The following SEC14L1 variants were observed in gnomAD, a reference collection of about 807,000 sequenced individuals.
SEC14L1 encodes the protein SEC14 like lipid binding 1.
Under a neutral mutation model 85.3 loss-of-function variants are expected in SEC14L1, and 48 were observed. The observed-to-expected ratio is 0.56, with a 90% CI of 0.45 to 0.72. The LOEUF (loss-of-function observed/expected upper bound fraction) is 0.72, where lower values mean the gene tolerates loss of function less well. Among genes scored for constraint, SEC14L1 ranks in the 30% least tolerant of loss-of-function variants. The pLI, the probability that SEC14L1 is intolerant of heterozygous loss-of-function variation, is 0.00. For missense variants in SEC14L1, 682 were observed against 921.4 expected (o/e 0.74, Z 3.36); for synonymous variants, 391 against 355.5 (o/e 1.10, Z -1.12).
chr17:77,200,778 G>T, intron 9 of SEC14L1, 105 bp downstream of exon 9: 1 of 1,054,848 alleles, frequency 9.5e-7, no homozygotes, highest in Non-Finnish European at 1.4e-6. Context: ...CCCCTTGAGT[G>T]CATCGTTTCT....
chr17:77,131,127 G>GCCGATGGAATTGTGAAGTGCATGGT (rs1223791806), intron 3 of SEC14L1, among the ~76,000 whole-genome samples: 1 of 152,188 alleles, frequency 6.6e-6, no homozygotes, highest in Non-Finnish European at 1.5e-5. Flanking sequence ...AAGTGCATGG[G>GCCGATGGAATTGTGAAGTGCATGGT]CCAATGGAAA....
At chr17:77,175,449 C>T (rs997956465) in intron 3 of SEC14L1, among the ~76,000 whole-genome samples, 191 of 152,342 alleles carry the variant, frequency 1.3e-3, no homozygotes, top group African/African-American at 4.2e-3. Context: ...TAAATCGTTA[C>T]AGGTTCATAA....
chr17:77,177,080 T>C (rs1397635484), intron 3 of SEC14L1, among the ~76,000 whole-genome samples: 5 of 152,156 alleles, frequency 3.3e-5, no homozygotes, highest in Non-Finnish European at 5.9e-5. Flanking sequence ...TAAATGCTTT[T>C]TAAATTGTTT....
chr17:77,165,798 A>T (rs1472696891), intron 3 of SEC14L1, among the ~76,000 whole-genome samples: 1 of 152,152 alleles, frequency 6.6e-6, no homozygotes, highest in Non-Finnish European at 1.5e-5. Context: ...ACTGGTTCCT[A>T]GCAAAGTCTC....
chr17:77,199,837 T>G (rs1976034542), intron 8 of SEC14L1, among the ~76,000 whole-genome samples: 1 of 152,214 alleles, frequency 6.6e-6, no homozygotes, highest in African/African-American at 2.4e-5. Context: ...CCACCTCATT[T>G]TTAATAGTAT....
At chr17:77,103,585 G>T (rs1971830962) in intron 3 of SEC14L1, among the ~76,000 whole-genome samples, 1 of 142,782 alleles carries the variant, frequency 7.0e-6, no homozygotes, top group African/African-American at 2.6e-5. Context: ...GGGATTACAG[G>T]CATGCGCCCC....
intron 3 of SEC14L1, among the ~76,000 whole-genome samples, chr17:77,153,004 A>G (rs2143580319): frequency 6.6e-6 from 1 of 152,326 alleles, no homozygotes; most frequent in Middle Eastern, 3.4e-3. Flanking sequence ...AATAGGCTGT[A>G]AGGAGAAGGT....
intron 3 of SEC14L1, among the ~76,000 whole-genome samples, chr17:77,109,888 T>C (rs1972010023): frequency 6.6e-6 from 1 of 152,210 alleles, no homozygotes; most frequent in South Asian, 2.1e-4. Context: ...AAAATGCTGA[T>C]ATCCTAATAT....
At chr17:77,179,868 G>A (rs1005652190) in intron 3 of SEC14L1, among the ~76,000 whole-genome samples, 1 of 151,726 alleles carries the variant, frequency 6.6e-6, no homozygotes, top group African/African-American at 2.4e-5. Context: ...TAGTAGAGAC[G>A]GGGTTTCACT....
At chr17:77,093,331 G>C (rs1461851937) in exon 3 of SEC14L1, 1 of 152,198 alleles carries the variant, frequency 6.6e-6, no homozygotes, top group Non-Finnish European at 1.5e-5. Flanking sequence ...GAATTGTTTT[G>C]GCCTAGGATC....
chr17:77,185,839 C>T (rs1188109393), intron 3 of SEC14L1, among the ~76,000 whole-genome samples: 2 of 152,002 alleles, frequency 1.3e-5, no homozygotes, highest in African/African-American at 2.4e-5. Context: ...TTGAATGGGA[C>T]TTATCTGTGG....
intron 3 of SEC14L1, among the ~76,000 whole-genome samples, chr17:77,183,390 G>A (rs952457377): frequency 1.3e-5 from 2 of 152,236 alleles, no homozygotes; most frequent in Non-Finnish European, 2.9e-5. Context: ...ACATTTGAAA[G>A]TAAGTTGCTT....
intron 3 of SEC14L1, among the ~76,000 whole-genome samples, chr17:77,113,559 C>T (rs1016009796): frequency 6.6e-6 from 1 of 152,152 alleles, no homozygotes; most frequent in East Asian, 1.9e-4. Flanking sequence ...GCCTGGCCAA[C>T]ATGGTGAAAC....
At chr17:77,124,276 A>T (rs1024465738) in intron 3 of SEC14L1, among the ~76,000 whole-genome samples, 1 of 152,092 alleles carries the variant, frequency 6.6e-6, no homozygotes, top group African/African-American at 2.4e-5. Flanking sequence ...AGGGGGGAGG[A>T]TCATTTGCGC....
At chr17:77,205,618 T>C (rs1976426289) in intron 11 of SEC14L1, among the ~76,000 whole-genome samples, 2 of 152,236 alleles carry the variant, frequency 1.3e-5, no homozygotes, top group East Asian at 3.9e-4. Flanking sequence ...TTTGCTTGTT[T>C]TTGCCTCCCC....
chr17:77,200,440 C>A, intron 8 of SEC14L1, 44 bp from the exon 9 acceptor site: 6 of 1,552,680 alleles, frequency 3.9e-6, no homozygotes, highest in Non-Finnish European at 5.3e-6. Context: ...AAGTTCCCTT[C>A]ACAACTTTTA....
Position 77,131,872 on chromosome 17 carries a change from G to C in SEC14L1, c.-135-10774G>C, listed in dbSNP as rs550261944. Reference sequence around the variant, plus strand: ...TGTCCTGAAGGAAGGAAGACTCTTAGGTAGATAAACCAACTAGTCATAGGG... The same window carrying C: ...TGTCCTGAAGGAAGGAAGACTCTTACGTAGATAAACCAACTAGTCATAGGG... On this transcript the variant is annotated intron_variant, in intron 3 of 19. Transcript: ENST00000392476. 1.2e-4 allele frequency among the ~76,000 whole-genome samples: 18 copies of C among 152,322 alleles called. 1 individual carries two copies. In the South Asian group the frequency reaches 3.7e-3, roughly 32 times the overall value.
At position 77,191,330 on chromosome 17, in the gene SEC14L1, C is replaced by A; in HGVS notation, c.345+18C>A. 6.2e-7 allele frequency: 1 copy of A among 1,613,564 alleles called. No homozygotes were observed. The highest frequency in any genetic ancestry group is 1.1e-5 in the South Asian group (1 of 90,960). On this transcript the variant is annotated intron_variant, in intron 5 of 16. Coordinates refer to ENST00000436233, the MANE Select transcript of SEC14L1 (RefSeq NM_001143998.2). The stretch of plus-strand genomic sequence containing the variant: ...GCTACACCGTGAGTAATCTGTCACT[C>A]GGCGGAAGATGTTCTGCCGACATAT...
Position 77,204,522 on chromosome 17 carries a change from C to CATTTTTTTTTTTTTTTTTTTTTTTTT in SEC14L1, c.1099-754_1099-753insATTTTTTTTTTTTTTTTTTTTTTTTT, listed in dbSNP as rs1555628453. ...GGCTTGAGCCACCCTGCCCAGCCAG[C>CATTTTTTTTTTTTTTTTTTTTTTTTT]TTTTTTTTTTTTTTTTTTTTTTTTT... On this transcript the variant is annotated intron_variant, in intron 10 of 16. Transcript: ENST00000436233. 2.4e-5 allele frequency among the ~76,000 whole-genome samples: 2 copies of CATTTTTTTTTTTTTTTTTTTTTTTTT among 84,728 alleles called. 1 individual carries two copies. 55.6% of individuals were successfully genotyped at this position (84,728 alleles called of 152,430 possible). A position where few individuals can be genotyped will look rare whatever the true frequency, so the allele number is the denominator to read the frequency against.
Sources: gnomAD v4.1 joint callset for allele counts (sites outside exome capture counted in the v4.1 genomes callset) on GRCh38, gnomAD v4.1.1 for gene constraint, MANE v1.5 for transcripts, NCBI Gene and HGNC (gene_info 2026-07-23, HGNC 2026-07-21) for gene names.